TJP2: variants seen among roughly 807,000 people sequenced by gnomAD.
The protein encoded by TJP2 is tight junction protein 2, also known as Friedreich ataxia region gene X104 (tight junction protein ZO-2).
A neutral mutation model predicts 133.1 loss-of-function variants in TJP2; 91 were observed. That is an observed-to-expected ratio of 0.68 (90% CI 0.58 to 0.81). The LOEUF (loss-of-function observed/expected upper bound fraction) is 0.81. Ranked by LOEUF, TJP2 falls within the 40% of genes least tolerant of loss-of-function variation. The pLI is 0.00. For missense variants in TJP2, 1,541 were observed against 1,565.6 expected (o/e 0.98, Z 0.26); for synonymous variants, 592 against 583.4 (o/e 1.01, Z -0.21).
chr9:69,246,815 T>C lies in TJP2; in HGVS notation c.2667+25T>C, dbSNP rs182561819. 3.6e-3 allele frequency: 5,764 copies of C among 1,597,746 alleles called. 39 individuals carry two copies. The highest frequency in any genetic ancestry group is 4.2e-3 in the Admixed American group (254 of 59,994). On this transcript the variant is annotated intron_variant, in intron 18 of 22. Transcript: ENST00000377245. ...GGTATGTGGCATAGATATGCTGCTA[T>C]GAGGTGAGAGTCCCTGTTCTGAAAC...
chr9:69,231,090 T>C (rs1829740770), intron 11 of TJP2, among the ~76,000 whole-genome samples: 1 of 150,692 alleles, frequency 6.6e-6, no homozygotes, highest in Non-Finnish European at 1.5e-5. Context: ...AATAAAAATA[T>C]AGAGTACTAG....
At chr9:69,137,127 TTC>T (rs1222911061) in intron 1 of TJP2, among the ~76,000 whole-genome samples, 3 of 152,158 alleles carry the variant, frequency 2.0e-5, no homozygotes, top group African/African-American at 7.2e-5. Context: ...CTGTTGGTTA[TTC>T]TCTTTCTCAG....
At chr9:69,205,650 G>A (rs2133157220) in intron 1 of TJP2, among the ~76,000 whole-genome samples, 1 of 152,328 alleles carries the variant, frequency 6.6e-6, no homozygotes, top group South Asian at 2.1e-4. Flanking sequence ...TTCTAACTTA[G>A]AAGAAAAAGT....
intron 1 of TJP2, among the ~76,000 whole-genome samples, chr9:69,189,144 G>C (rs1826045123): frequency 1.3e-5 from 2 of 152,240 alleles, no homozygotes; most frequent in South Asian, 4.1e-4. Flanking sequence ...ATTTTGATTG[G>C]GAATGAAGAT....
intron 1 of TJP2, among the ~76,000 whole-genome samples, chr9:69,196,211 T>G (rs1826547479): frequency 6.6e-6 from 1 of 152,174 alleles, no homozygotes; most frequent in East Asian, 1.9e-4. Flanking sequence ...AGAGGCAAGG[T>G]TCTTCAGTGG....
At chr9:69,199,326 C>G (rs995630085) in intron 1 of TJP2, among the ~76,000 whole-genome samples, 1 of 152,070 alleles carries the variant, frequency 6.6e-6, no homozygotes, top group Non-Finnish European at 1.5e-5. Flanking sequence ...CTCAGGAGTT[C>G]GAGACCAGCC....
Position 69,254,340 on chromosome 9 carries a change from G to T in TJP2, c.3539G>T (p.Gly1180Val). 6.2e-7 allele frequency: 1 copy of T among 1,614,216 alleles called. No homozygotes were observed. The highest frequency in any genetic ancestry group is 8.5e-7 in the Non-Finnish European group (1 of 1,180,042). Residue 1180 changes from glycine to valine, a missense_variant, in exon 23 of 23, where the codon GGC becomes GTC. Physicochemically the swap from Gly to Val is moderately radical, Grantham distance 109 (BLOSUM62 -3). Transcript: ENST00000377245. ...GAACACTCCAAGCGCGGTTACTATG[G>T]CCAGTCTGCCCGATACCGGGACACA... ...LSEHSKRGYYGQSARYRDTEL is the reference protein window; with the variant it reads ...LSEHSKRGYYVQSARYRDTEL
chr9:69,244,365 T>TTACCTTTTGCTGTCGCTCTTGG (rs1376959151), intron 17 of TJP2, among the ~76,000 whole-genome samples: 1 of 152,114 alleles, frequency 6.6e-6, no homozygotes, highest in Non-Finnish European at 1.5e-5. Context: ...GTCTTAGATG[T>TTACCTTTTGCTGTCGCTCTTGG]TACCTTTTGC....
At chr9:69,180,590 A>G (rs1243211878) in intron 1 of TJP2, among the ~76,000 whole-genome samples, 1 of 152,216 alleles carries the variant, frequency 6.6e-6, no homozygotes, top group Non-Finnish European at 1.5e-5. Flanking sequence ...GAGCTCTACA[A>G]TGGGAATAGG....
intron 1 of TJP2, among the ~76,000 whole-genome samples, chr9:69,181,441 G>A (rs1348635349): frequency 6.6e-6 from 1 of 151,946 alleles, no homozygotes; most frequent in Non-Finnish European, 1.5e-5. Context: ...GTAGAGACGG[G>A]GCTTCACCAT....
intron 2 of TJP2, among the ~76,000 whole-genome samples, chr9:69,161,498 A>AT (rs1287442820): frequency 2.0e-5 from 3 of 152,052 alleles, no homozygotes; most frequent in Non-Finnish European, 2.9e-5. Flanking sequence ...AAGTGCTGGG[A>AT]TTACAGGCAT....
intron 7 of TJP2, among the ~76,000 whole-genome samples, chr9:69,227,274 A>G (rs12000900): frequency 0.023 from 3,462 of 152,242 alleles, 138 homozygotes; most frequent in African/African-American, 0.079. Context: ...GGGGGTTTGC[A>G]GTTTATTTCC....
intron 3 of TJP2, 22 bp from the exon 4 acceptor site, chr9:69,218,235 C>T: frequency 1.9e-6 from 3 of 1,566,256 alleles, no homozygotes; most frequent in Non-Finnish European, 2.6e-6. Context: ...TTTCATGACC[C>T]ATTTTTATTT....
rs926637522 is a variant in TJP2, at chr9:69,217,345, A to G, written c.239+882A>G. ...GATTCCCACAGGATAACTTCTCAGG[A>G]CGAAGTCTAAAGTTAACTGTATGGC... On this transcript the variant is annotated intron_variant, in intron 3 of 22. Coordinates refer to ENST00000377245, the MANE Select transcript of TJP2 (RefSeq NM_004817.4). Among the ~76,000 whole-genome samples the G allele has an allele frequency of 3.3e-5, 5 of 152,332 alleles. No individual in the cohort carries two copies. In the East Asian group the frequency reaches 9.6e-4, roughly 29 times the overall value.
chr9:69,231,426 T>G (rs1307856517), intron 11 of TJP2, among the ~76,000 whole-genome samples: 1 of 152,078 alleles, frequency 6.6e-6, no homozygotes. Context: ...AATTTCTTCC[T>G]GCTTCTGCAA....
chr9:69,234,289 T>A, intron 11 of TJP2, 150 bp from the exon 12 acceptor site: 1 of 658,670 alleles, frequency 1.5e-6, no homozygotes, highest in Non-Finnish European at 2.5e-6. Flanking sequence ...AGGACTCATT[T>A]GCATCTTGGC....
chr9:69,135,325 C>A lies in TJP2; in HGVS notation c.-131+13600C>A, dbSNP rs1822683869. Among the ~76,000 whole-genome samples the A allele has an allele frequency of 1.3e-5, 2 of 152,244 alleles. 1 individual carries two copies. The highest frequency in any genetic ancestry group is 4.8e-5 in the African/African-American group (2 of 41,558). On this transcript the variant is annotated intron_variant, in intron 1 of 5. Transcript: ENST00000423935. ...ACTAGGTATGGCCATTATTTATTAT[C>A]CCCGGTTTACAGATGAGGAAACCCA... is the stretch of plus-strand genomic sequence containing the variant.
intron 10 of TJP2, 117 bp from the exon 11 acceptor site, chr9:69,229,965 T>C (rs1829645587): frequency 2.2e-6 from 3 of 1,352,334 alleles, no homozygotes; most frequent in Admixed American, 1.8e-5. Flanking sequence ...TGAGAGGGCT[T>C]TGTAAACTAT....
At chr9:69,162,386 A>T (rs1824125909) in intron 2 of TJP2, among the ~76,000 whole-genome samples, 1 of 152,096 alleles carries the variant, frequency 6.6e-6, no homozygotes, top group Admixed American at 6.6e-5. Flanking sequence ...ACAGGTTATT[A>T]TCTTACATGT....
Sources: gnomAD v4.1 joint callset for allele counts (sites outside exome capture counted in the v4.1 genomes callset) on GRCh38, gnomAD v4.1.1 for gene constraint, MANE v1.5 for transcripts, NCBI Gene and HGNC (gene_info 2026-07-23, HGNC 2026-07-21) for gene names.